SLC25A12: variants seen among roughly 807,000 people sequenced by gnomAD.
SLC25A12 encodes the protein electrogenic aspartate/glutamate antiporter SLC25A12, mitochondrial.
Under a neutral mutation model 83.3 loss-of-function variants are expected in SLC25A12, and 32 were observed. The observed-to-expected ratio is 0.38, with a 90% CI of 0.29 to 0.52. SLC25A12 has a LOEUF of 0.52. SLC25A12 is among the 20% of genes least tolerant of loss of function. The pLI is 0.84. For synonymous variants in SLC25A12, 267 were observed against 291.1 expected (o/e 0.92, Z 0.84); for missense variants, 611 against 835.6 (o/e 0.73, Z 3.31).
chr2:171,889,076 T>C (rs754720890), intron 2 of SLC25A12, among the ~76,000 whole-genome samples: 3 of 152,292 alleles, frequency 2.0e-5, no homozygotes, highest in East Asian at 1.9e-4. Flanking sequence ...ATTCTCCCTA[T>C]TTCCCCTCCT....
chr2:171,881,811 G>T (rs371073206), intron 2 of SLC25A12, among the ~76,000 whole-genome samples: 34 of 152,066 alleles, frequency 2.2e-4, no homozygotes, highest in Admixed American at 1.3e-3. Flanking sequence ...GAACAGATCT[G>T]CTGAAAATAA....
At chr2:171,883,124 T>C (rs1043723663) in intron 2 of SLC25A12, among the ~76,000 whole-genome samples, 2 of 152,206 alleles carry the variant, frequency 1.3e-5, no homozygotes, top group Admixed American at 6.5e-5. Context: ...TCTTAGTCTC[T>C]TGACTAGGTC....
chr2:171,798,639 C>G (rs1683647690), intron 13 of SLC25A12, among the ~76,000 whole-genome samples: 1 of 152,160 alleles, frequency 6.6e-6, no homozygotes, highest in Non-Finnish European at 1.5e-5. Flanking sequence ...TCAAGAGGAA[C>G]AGGAACAGAC....
In SLC25A12 at chr2:171,785,190, G is replaced by T; in HGVS notation, c.*84C>A. 1.6e-6 allele frequency: 2 copies of T among 1,228,966 alleles called. No individual in the cohort carries two copies. The highest frequency in any genetic ancestry group is 2.4e-6 in the Non-Finnish European group (2 of 834,710). The allele number at this position is 1,228,966 out of a possible 1,614,324, so 76.1% of individuals were successfully genotyped here. ...GACTCCTCAGCTCAGTCAGTACCAT[G>T]CAGCTGACTGGATACATTACAGGGC... On this transcript the variant is annotated 3_prime_UTR_variant, in exon 18 of 18. Transcript: ENST00000422440.
At chr2:171,804,138 T>C (rs1407370972) in intron 13 of SLC25A12, among the ~76,000 whole-genome samples, 1 of 152,144 alleles carries the variant, frequency 6.6e-6, no homozygotes, top group Non-Finnish European at 1.5e-5. Flanking sequence ...TATTCAGCAA[T>C]AAAAATGAAT....
At chr2:171,873,953 C>T (rs1377573220) in intron 2 of SLC25A12, among the ~76,000 whole-genome samples, 2 of 152,042 alleles carry the variant, frequency 1.3e-5, no homozygotes, top group Non-Finnish European at 2.9e-5. Flanking sequence ...TGGCCAGGCG[C>T]GGTGGCTCAA....
chr2:171,856,041 G>C, intron 3 of SLC25A12, 92 bp from the exon 4 acceptor site: 2 of 783,842 alleles, frequency 2.6e-6, no homozygotes, highest in African/African-American at 1.7e-5. Flanking sequence ...GTAGCTCAGG[G>C]TAACCAAATA....
At chr2:171,820,643 G>A (rs67421479) in intron 9 of SLC25A12, among the ~76,000 whole-genome samples, 86,336 of 129,854 alleles carry the variant, frequency 0.66, 30,687 homozygotes, top group East Asian at 0.88. Context: ...CAGGAGAATG[G>A]CGTGAACCCG....
chr2:171,861,374 T>C (rs762082444), intron 3 of SLC25A12, among the ~76,000 whole-genome samples: 6 of 152,000 alleles, frequency 3.9e-5, no homozygotes, highest in Non-Finnish European at 8.8e-5. Flanking sequence ...TAGTCTGCAA[T>C]GCTAACATAA....
In SLC25A12 at chr2:171,850,337, G is replaced by GT. The variant is rs55922545; in HGVS notation, c.325+5496dup. On this transcript the variant is annotated intron_variant, in intron 4 of 17. Coordinates refer to ENST00000422440, the MANE Select transcript of SLC25A12 (RefSeq NM_003705.5). ...CACCATGTTGGCCAGGCTGGTCTTT[G>GT]TTTTTTTTTTTTTTTTTTTTTTTTT... Among the ~76,000 whole-genome samples the GT allele has an allele frequency of 1.2e-3, 65 of 56,182 alleles. 2 individuals carry two copies. Among genetic ancestry groups the GT allele is most frequent in the African/African-American group, 2.6e-3 (37 of 14,258 alleles). 36.9% of individuals were successfully genotyped at this position (56,182 alleles called of 152,430 possible). A position where few individuals can be genotyped will look rare whatever the true frequency, so the allele number is the denominator to read the frequency against.
rs964380581 is a variant in SLC25A12, at chr2:171,884,942, G to A, written c.66+8263C>T. On this transcript the variant is annotated intron_variant, in intron 2 of 17. Transcript: ENST00000422440. ...AAAAGTGTATTGATCGGCCAGGTGC[G>A]GTGGCTCACGCCTATAATCCCAGCA... Among the ~76,000 whole-genome samples the A allele has an allele frequency of 5.9e-5, 9 of 152,048 alleles. No individual in the cohort carries two copies. In the East Asian group the frequency reaches 1.2e-3, roughly 20 times the overall value.
chr2:171,870,590 C>G (rs1685437789), intron 2 of SLC25A12, among the ~76,000 whole-genome samples: 1 of 152,070 alleles, frequency 6.6e-6, no homozygotes, highest in Non-Finnish European at 1.5e-5. Flanking sequence ...CACTGTACTC[C>G]AGCCTGGGCA....
At chr2:171,875,194 C>T (rs1685539114) in intron 2 of SLC25A12, among the ~76,000 whole-genome samples, 1 of 152,176 alleles carries the variant, frequency 6.6e-6, no homozygotes, top group Non-Finnish European at 1.5e-5. Flanking sequence ...ACTTCATTTA[C>T]ATGAGGTAAG....
chr2:171,837,348 T>C, intron 5 of SLC25A12, 81 bp from the exon 6 acceptor site: 4 of 1,431,932 alleles, frequency 2.8e-6, no homozygotes, highest in Non-Finnish European at 3.9e-6. Flanking sequence ...GAAGGACAGA[T>C]ATCCTTCCCA....
chr2:171,844,534 C>G (rs764399213), intron 4 of SLC25A12, 26 bp from the exon 5 acceptor site: 17 of 1,460,390 alleles, frequency 1.2e-5, no homozygotes, highest in Non-Finnish European at 1.2e-5. Flanking sequence ...AAAAATAAAT[C>G]AATTATATCT....
Position 171,823,774 on chromosome 2 carries a change from C to T in SLC25A12, c.930+3024G>A, listed in dbSNP as rs1574699870. 4.6e-5 allele frequency among the ~76,000 whole-genome samples: 7 copies of T among 152,194 alleles called. 1 individual carries two copies. In the South Asian group the frequency reaches 1.5e-3, roughly 32 times the overall value. Reference sequence around the variant, plus strand: ...AGGAGTTTGAGACCAGCCTGGGAAACATGGCTTAACCCTGTCTCTACTGAA... The same window carrying T: ...AGGAGTTTGAGACCAGCCTGGGAAATATGGCTTAACCCTGTCTCTACTGAA... On this transcript the variant is annotated intron_variant, in intron 9 of 17. Coordinates refer to ENST00000422440, the MANE Select transcript of SLC25A12 (RefSeq NM_003705.5).
intron 8 of SLC25A12, 87 bp downstream of exon 8, chr2:171,833,876 T>C (rs1382988983): frequency 5.0e-6 from 4 of 802,992 alleles, no homozygotes; most frequent in South Asian, 1.4e-5. Context: ...AAAAAACTCA[T>C]GTTAGAATGA....
intron 3 of SLC25A12, 42 bp downstream of exon 3, chr2:171,868,639 T>A: frequency 6.3e-7 from 1 of 1,598,150 alleles, no homozygotes; most frequent in Non-Finnish European, 8.6e-7. Flanking sequence ...TAACAATATA[T>A]TCCAGAACAT....
At chr2:171,839,338 A>C (rs1684623854) in intron 5 of SLC25A12, among the ~76,000 whole-genome samples, 1 of 152,228 alleles carries the variant, frequency 6.6e-6, no homozygotes, top group Non-Finnish European at 1.5e-5. Flanking sequence ...CCTAATGAAG[A>C]AAAACAATAC....
Sources: gnomAD v4.1 joint callset for allele counts (sites outside exome capture counted in the v4.1 genomes callset) on GRCh38, gnomAD v4.1.1 for gene constraint, MANE v1.5 for transcripts, NCBI Gene and HGNC (gene_info 2026-07-23, HGNC 2026-07-21) for gene names.